Variants in SRGAP3 observed in about 807,000 individuals in gnomAD.
The protein encoded by SRGAP3 is SLIT-ROBO Rho GTPase activating protein 3.
SRGAP3 carries 39 observed loss-of-function variants against 121.1 expected under a neutral mutation model. The observed-to-expected ratio is 0.32, with a 90% CI of 0.25 to 0.42. The LOEUF (loss-of-function observed/expected upper bound fraction) is 0.42, where lower values mean the gene tolerates loss of function less well. Ranked by LOEUF, SRGAP3 falls within the 10% of genes least tolerant of loss-of-function variation. The pLI is 1.00. For missense variants in SRGAP3, 1,213 were observed against 1,470.6 expected (o/e 0.82, Z 2.86); for synonymous variants, 601 against 570.0 (o/e 1.05, Z -0.77).
chr3:9,283,111 T>A lies in SRGAP3; in HGVS notation n.442+42899A>T, dbSNP rs367590982. ...ACCCGCCATTATACCTGGCTAGTTT[T>A]TTCTATTGTTGTAGAGACGGGGTTT... is the stretch of plus-strand genomic sequence containing the variant. On this transcript the variant is annotated intron_variant and non_coding_transcript_variant, in intron 3 of 3. Transcript: ENST00000490889. Among the ~76,000 whole-genome samples, 74 of 152,216 alleles carry A rather than the reference T, an allele frequency of 4.9e-4. No homozygotes were observed. The South Asian group carries it at 0.015, about 31-fold the overall frequency.
rs906732144 is a variant in SRGAP3 at position 9,128,859 on chromosome 3, T to C, written c.68-3942A>G. 4.6e-5 allele frequency among the ~76,000 whole-genome samples: 7 copies of C among 152,266 alleles called. No individual in the cohort carries two copies. In the East Asian group the frequency reaches 1.4e-3, roughly 29 times the overall value. ...CAGAACGAATGAGGTTGTGCAAAAC[T>C]AGTTTATGGTGATAGAGGTCGGAAA... On this transcript the variant is annotated intron_variant, in intron 1 of 21. Coordinates refer to ENST00000383836, the MANE Select transcript of SRGAP3 (RefSeq NM_014850.4).
chr3:9,341,256 G>A (rs1955783323), intron 1 of SRGAP3, among the ~76,000 whole-genome samples: 1 of 150,896 alleles, frequency 6.6e-6, no homozygotes, highest in Non-Finnish European at 1.5e-5. Context: ...CAGTGGGCTA[G>A]AGAGAGCAGC....
intron 1 of SRGAP3, among the ~76,000 whole-genome samples, chr3:9,170,040 T>C (rs1241108397): frequency 6.6e-6 from 1 of 152,150 alleles, no homozygotes; most frequent in Non-Finnish European, 1.5e-5. Flanking sequence ...GTGTTGACAT[T>C]TGTTAAGAGG....
intron 1 of SRGAP3, among the ~76,000 whole-genome samples, chr3:9,354,992 G>T: frequency 6.6e-6 from 1 of 151,984 alleles, no homozygotes; most frequent in East Asian, 1.9e-4. Context: ...TGATATAAAC[G>T]AACATACCAT....
intron 1 of SRGAP3, among the ~76,000 whole-genome samples, chr3:9,346,631 G>T (rs940307524): frequency 6.6e-6 from 1 of 152,008 alleles, no homozygotes; most frequent in African/African-American, 2.4e-5. Flanking sequence ...CCTGAGTCTA[G>T]GTTTGTTTCC....
chr3:9,262,931 C>G (rs962865225), intron 3 of SRGAP3, among the ~76,000 whole-genome samples: 1 of 152,156 alleles, frequency 6.6e-6, no homozygotes, highest in African/African-American at 2.4e-5. Flanking sequence ...CTTCTCTGCA[C>G]CAAATAGCAC....
At chr3:9,165,418 T>C (rs1950752627) in intron 1 of SRGAP3, among the ~76,000 whole-genome samples, 1 of 152,198 alleles carries the variant, frequency 6.6e-6, no homozygotes, top group Non-Finnish European at 1.5e-5. Context: ...ATCATCCCTG[T>C]GAGCCACAAA....
At chr3:9,293,277 C>T (rs1954898642) in intron 3 of SRGAP3, 1 of 152,152 alleles carries the variant, frequency 6.6e-6, no homozygotes, top group Non-Finnish European at 1.5e-5. Flanking sequence ...GCCTGGGTAA[C>T]TTCACCAGGA....
chr3:9,353,735 T>C (rs1243800729), intron 1 of SRGAP3, among the ~76,000 whole-genome samples: 1 of 152,232 alleles, frequency 6.6e-6, no homozygotes, highest in Non-Finnish European at 1.5e-5. Context: ...AGGCTATTAT[T>C]TCATTAATAA....
At chr3:9,183,962 G>A (rs1951516282) in intron 1 of SRGAP3, among the ~76,000 whole-genome samples, 1 of 152,044 alleles carries the variant, frequency 6.6e-6, no homozygotes, top group Non-Finnish European at 1.5e-5. Context: ...CCGGTTCTCA[G>A]CTTGCAAGCT....
intron 1 of SRGAP3, among the ~76,000 whole-genome samples, chr3:9,347,113 G>A (rs1004648472): frequency 6.6e-6 from 1 of 152,084 alleles, no homozygotes; most frequent in African/African-American, 2.4e-5. Context: ...CAATTTTGAG[G>A]AAAGATGACA....
At chr3:9,336,617 A>G (rs1955698230) in intron 1 of SRGAP3, among the ~76,000 whole-genome samples, 2 of 152,194 alleles carry the variant, frequency 1.3e-5, no homozygotes, top group Admixed American at 1.3e-4. Context: ...GGAGGGCCAC[A>G]TTCTGAACAA....
intron 2 of SRGAP3, among the ~76,000 whole-genome samples, chr3:9,114,850 T>C (rs192258857): frequency 3.3e-5 from 5 of 152,198 alleles, no homozygotes; most frequent in African/African-American, 1.2e-4. Flanking sequence ...TTTAATCTTC[T>C]AAGCACCCCA....
intron 1 of SRGAP3, among the ~76,000 whole-genome samples, chr3:9,174,616 C>A (rs1377910947): frequency 6.6e-6 from 1 of 152,184 alleles, no homozygotes; most frequent in African/African-American, 2.4e-5. Flanking sequence ...AGCAAAGACG[C>A]ACAGGCGGGA....
intron 3 of SRGAP3, among the ~76,000 whole-genome samples, chr3:9,085,639 A>T (rs1346705470): frequency 1.3e-5 from 2 of 152,246 alleles, no homozygotes; most frequent in African/African-American, 2.4e-5. Context: ...GCCATAAAAA[A>T]GAATGAAATC....
intron 3 of SRGAP3, among the ~76,000 whole-genome samples, chr3:9,101,462 A>G (rs888140588): frequency 1.3e-5 from 2 of 152,202 alleles, no homozygotes; most frequent in African/African-American, 2.4e-5. Context: ...CCCGTGCTGG[A>G]CCAATCACAG....
At chr3:9,185,113 C>A (rs1177967406) in intron 1 of SRGAP3, among the ~76,000 whole-genome samples, 6 of 152,176 alleles carry the variant, frequency 3.9e-5, no homozygotes, top group Admixed American at 3.9e-4. Flanking sequence ...TCGGTCTTCC[C>A]ACATGATTCC....
rs1189682699 is a variant in SRGAP3 at position 9,096,943 on chromosome 3, A to G, written c.423+7737T>C. Among the ~76,000 whole-genome samples, 251 of 43,042 alleles carry G rather than the reference A, an allele frequency of 5.8e-3. 2 individuals carry two copies. Among genetic ancestry groups the G allele is most frequent in the Middle Eastern group, 0.01 (1 of 98 alleles). 28.2% of individuals were successfully genotyped at this position (43,042 alleles called of 152,430 possible). The stretch of plus-strand genomic sequence containing the variant: ...ATATTTTTTACATTATTTTGTATAT[A>G]TATATATATATATATATATATATAT... On this transcript the variant is annotated intron_variant, in intron 3 of 21. Coordinates refer to ENST00000383836, the MANE Select transcript of SRGAP3 (RefSeq NM_014850.4).
At chr3:9,164,154 C>T (rs1251615547) in intron 1 of SRGAP3, among the ~76,000 whole-genome samples, 5 of 151,056 alleles carry the variant, frequency 3.3e-5, no homozygotes, top group Admixed American at 1.3e-4. Context: ...TGTGCAACCA[C>T]GCCTGGCTAA....
Sources: gnomAD v4.1 joint callset for allele counts (sites outside exome capture counted in the v4.1 genomes callset) on GRCh38, gnomAD v4.1.1 for gene constraint, MANE v1.5 for transcripts, NCBI Gene and HGNC (gene_info 2026-07-23, HGNC 2026-07-21) for gene names.